PPARGC1A: variants seen among roughly 807,000 people sequenced by gnomAD.
PPARGC1A encodes the protein PPARG coactivator 1 alpha.
PPARGC1A carries 25 observed loss-of-function variants against 88.7 expected under a neutral mutation model. The observed-to-expected ratio is 0.28, with a 90% CI of 0.21 to 0.39. The LOEUF (loss-of-function observed/expected upper bound fraction) is 0.39. Ranked by LOEUF, PPARGC1A falls within the 10% of genes least tolerant of loss-of-function variation. The pLI, the probability that PPARGC1A is intolerant of heterozygous loss-of-function variation, is 1.00. For synonymous variants in PPARGC1A, 363 were observed against 355.6 expected (o/e 1.02, Z -0.24); for missense variants, 880 against 968.7 (o/e 0.91, Z 1.22).
At chr4:24,364,234 C>T in the PPARGC1A span, among the ~76,000 whole-genome samples, 1 of 152,128 alleles carries the variant, frequency 6.6e-6, no homozygotes, top group Non-Finnish European at 1.5e-5. Context: ...GAGGCTTATT[C>T]ATAATAAAGA....
chr4:23,990,286 G>A, the PPARGC1A span, among the ~76,000 whole-genome samples: 1 of 150,412 alleles, frequency 6.6e-6, no homozygotes, highest in Non-Finnish European at 1.5e-5. Flanking sequence ...GTACTCTGAA[G>A]GCACAGAATA....
the PPARGC1A span, among the ~76,000 whole-genome samples, chr4:24,121,167 C>T: frequency 6.6e-6 from 1 of 152,208 alleles, no homozygotes; most frequent in Non-Finnish European, 1.5e-5. Flanking sequence ...GAAGCCCAAG[C>T]CACTAGGGTG....
At chr4:24,018,305 T>A in the PPARGC1A span, among the ~76,000 whole-genome samples, 1 of 152,210 alleles carries the variant, frequency 6.6e-6, no homozygotes, top group Non-Finnish European at 1.5e-5. Context: ...TTCTTTTTTC[T>A]TTTTTAACAA....
the PPARGC1A span, among the ~76,000 whole-genome samples, chr4:23,910,254 T>C: frequency 4.3e-3 from 451 of 103,946 alleles, 4 homozygotes; most frequent in Non-Finnish European, 6.3e-3. Context: ...TAAATATATA[T>C]TATATATATT....
chr4:23,963,148 T>A, the PPARGC1A span, among the ~76,000 whole-genome samples: 1 of 152,172 alleles, frequency 6.6e-6, no homozygotes, highest in African/African-American at 2.4e-5. Context: ...ATCAATCAGC[T>A]TCTAAAACAC....
the PPARGC1A span, among the ~76,000 whole-genome samples, chr4:24,335,486 T>C: frequency 2.6e-4 from 40 of 152,312 alleles, no homozygotes; most frequent in South Asian, 6.2e-4. Context: ...CTTCCACAAA[T>C]ATCAGAAGTC....
the PPARGC1A span, among the ~76,000 whole-genome samples, chr4:24,076,797 C>A: frequency 3.3e-5 from 5 of 152,144 alleles, no homozygotes; most frequent in African/African-American, 9.7e-5. Context: ...TACCCCCATT[C>A]ACATACATTA....
the PPARGC1A span, among the ~76,000 whole-genome samples, chr4:24,064,829 A>C: frequency 1.3e-5 from 2 of 152,182 alleles, no homozygotes; most frequent in African/African-American, 4.8e-5. Flanking sequence ...ACAACAACAC[A>C]TTCTGCCCCT....
At chr4:23,833,509 G>A (rs1725426259) in intron 2 of PPARGC1A, among the ~76,000 whole-genome samples, 2 of 152,278 alleles carry the variant, frequency 1.3e-5, no homozygotes, top group South Asian at 4.1e-4. Flanking sequence ...GACATCTAAT[G>A]AAGCTAGCAG....
chr4:24,418,268 T>C, the PPARGC1A span, among the ~76,000 whole-genome samples: 1 of 152,134 alleles, frequency 6.6e-6, no homozygotes, highest in African/African-American at 2.4e-5. Context: ...ATAAAGTGTA[T>C]TCCAGTTCTT....
upstream of PPARGC1A, among the ~76,000 whole-genome samples, chr4:23,894,185 A>G (rs926334002): frequency 1.3e-5 from 2 of 152,172 alleles, no homozygotes; most frequent in Non-Finnish European, 1.5e-5. Flanking sequence ...ATTCCTGGGA[A>G]TGCTGCCTGC....
chr4:23,949,392 G>C, the PPARGC1A span, among the ~76,000 whole-genome samples: 1 of 152,138 alleles, frequency 6.6e-6, no homozygotes, highest in African/African-American at 2.4e-5. Flanking sequence ...ACTAAATTAC[G>C]TACAGGTAGC....
At chr4:23,889,278 G>C (rs1717432649) in intron 1 of PPARGC1A, 1 of 985,270 alleles carries the variant, frequency 1.0e-6, no homozygotes, top group South Asian at 4.7e-5. Context: ...GGAAAACCTT[G>C]CACTGCCAGG....
At chr4:24,020,770 C>T in the PPARGC1A span, among the ~76,000 whole-genome samples, 1 of 152,178 alleles carries the variant, frequency 6.6e-6, no homozygotes, top group African/African-American at 2.4e-5. Context: ...CACCCCTTGT[C>T]TCCGAAGCCT....
At chr4:24,273,742 T>A in the PPARGC1A span, among the ~76,000 whole-genome samples, 2 of 149,810 alleles carry the variant, frequency 1.3e-5, no homozygotes, top group Non-Finnish European at 3.0e-5. Context: ...TTTTTTTTTT[T>A]TTTTTGAGAC....
At chr4:24,445,292 A>G in the PPARGC1A span, among the ~76,000 whole-genome samples, 1 of 152,228 alleles carries the variant, frequency 6.6e-6, no homozygotes, top group East Asian at 1.9e-4. Context: ...TTGTTTTTCT[A>G]TACTGAAGAC....
At chr4:24,310,194 T>G in the PPARGC1A span, among the ~76,000 whole-genome samples, 1 of 151,950 alleles carries the variant, frequency 6.6e-6, no homozygotes, top group Non-Finnish European at 1.5e-5. Context: ...CAGGTTGGAG[T>G]TGAAAATGTG....
chr4:24,371,048 G>A, the PPARGC1A span, among the ~76,000 whole-genome samples: 1 of 152,064 alleles, frequency 6.6e-6, no homozygotes, highest in South Asian at 2.1e-4. Flanking sequence ...TTCCGTTCCT[G>A]TGTTAGTTTG....
the PPARGC1A span, among the ~76,000 whole-genome samples, chr4:24,367,977 C>T: frequency 6.6e-6 from 1 of 152,162 alleles, no homozygotes; most frequent in African/African-American, 2.4e-5. Context: ...CTCCAACACA[C>T]CCTTTATCTA....
Sources: gnomAD v4.1 joint callset for allele counts (sites outside exome capture counted in the v4.1 genomes callset) on GRCh38, gnomAD v4.1.1 for gene constraint, MANE v1.5 for transcripts, NCBI Gene and HGNC (gene_info 2026-07-23, HGNC 2026-07-21) for gene names.